The following CNBD1 variants were observed in gnomAD, a reference collection of about 807,000 sequenced individuals.
CNBD1 encodes cyclic nucleotide binding domain containing 1.
CNBD1 carries 71 observed loss-of-function variants against 54.4 expected under a neutral mutation model. The observed-to-expected ratio is 1.30, with a 90% CI of 1.08 to 1.59. The LOEUF (loss-of-function observed/expected upper bound fraction) is 1.59, where lower values mean the gene tolerates loss of function less well. Among genes scored for constraint, CNBD1 ranks in the 40% most tolerant of loss-of-function variants. CNBD1 has a pLI of 0.00. For missense variants in CNBD1, 659 were observed against 518.0 expected, an observed-to-expected ratio of 1.27 and a Z score of -2.64; for synonymous variants, 182 against 170.7, an observed-to-expected ratio of 1.07 and a Z score of -0.51.
At chr8:87,054,328 G>C (rs1810370833) in intron 4 of CNBD1, among the ~76,000 whole-genome samples, 1 of 152,194 alleles carries the variant, frequency 6.6e-6, no homozygotes, top group Non-Finnish European at 1.5e-5. Flanking sequence ...ATCTCATAGA[G>C]AGACTGTCTA....
chr8:87,271,602 A>G (rs1007465035), intron 6 of CNBD1, among the ~76,000 whole-genome samples: 1 of 151,982 alleles, frequency 6.6e-6, no homozygotes, highest in South Asian at 2.1e-4. Flanking sequence ...AATTCAGAGA[A>G]TAACAGACGC....
chr8:86,984,006 G>A (rs1294685833), intron 4 of CNBD1, among the ~76,000 whole-genome samples: 1 of 152,178 alleles, frequency 6.6e-6, no homozygotes, highest in African/African-American at 2.4e-5. Flanking sequence ...TTTTGTGTCA[G>A]CCTCTCCCAT....
chr8:87,037,588 C>T (rs1809976984), intron 4 of CNBD1, among the ~76,000 whole-genome samples: 1 of 152,056 alleles, frequency 6.6e-6, no homozygotes, highest in African/African-American at 2.4e-5. Flanking sequence ...TGTCTTCCAA[C>T]TCTTCTACTG....
intron 4 of CNBD1, among the ~76,000 whole-genome samples, chr8:87,033,782 T>C (rs1809846317): frequency 6.6e-6 from 1 of 152,182 alleles, no homozygotes; most frequent in African/African-American, 2.4e-5. Context: ...CTGTTGTCTC[T>C]TGGTCAACAG....
At chr8:87,388,875 A>T (rs1811248929) in intron 2 of CNBD1, among the ~76,000 whole-genome samples, 1 of 152,234 alleles carries the variant, frequency 6.6e-6, no homozygotes, top group South Asian at 2.1e-4. Flanking sequence ...AACTGAATCC[A>T]GCAGCACATC....
intron 2 of CNBD1, among the ~76,000 whole-genome samples, chr8:86,900,682 A>C (rs546857530): frequency 3.9e-5 from 6 of 152,186 alleles, no homozygotes; most frequent in Non-Finnish European, 7.4e-5. Flanking sequence ...AAAGATAAAA[A>C]AAAATGAAAG....
intron 4 of CNBD1, among the ~76,000 whole-genome samples, chr8:86,943,736 A>G (rs1807394406): frequency 6.6e-6 from 1 of 152,114 alleles, no homozygotes; most frequent in Non-Finnish European, 1.5e-5. Context: ...ATATAAGCTT[A>G]TCATGTGTAT....
intron 4 of CNBD1, among the ~76,000 whole-genome samples, chr8:87,021,055 T>C (rs768053764): frequency 5.3e-5 from 8 of 152,212 alleles, no homozygotes; most frequent in Non-Finnish European, 8.8e-5. Context: ...TTTTGAGTTG[T>C]CCCGCCTTTC....
chr8:87,381,741 A>G (rs1486585292), intron 10 of CNBD1, among the ~76,000 whole-genome samples: 1 of 152,004 alleles, frequency 6.6e-6, no homozygotes, highest in Non-Finnish European at 1.5e-5. Flanking sequence ...GCTACATGAA[A>G]TAAGCCAGTC....
rs551328876 is a variant in CNBD1, at chr8:87,061,690, G to C, written c.431+121936G>C. On this transcript the variant is annotated intron_variant, in intron 4 of 10. Transcript: ENST00000518476. Reference sequence around the variant, plus strand: ...ATAGCCTAATTTGTCTTTGTATACTGTATGTTCCAATCAAGGACATTTCAA... The same window carrying C: ...ATAGCCTAATTTGTCTTTGTATACTCTATGTTCCAATCAAGGACATTTCAA... Among the ~76,000 whole-genome samples, 21 of 152,220 alleles carry C rather than the reference G, an allele frequency of 1.4e-4. No individual in the cohort carries two copies. The East Asian group carries it at 3.7e-3, about 27-fold the overall frequency.
intron 2 of CNBD1, among the ~76,000 whole-genome samples, chr8:87,403,494 A>G (rs1331548776): frequency 6.6e-6 from 1 of 151,972 alleles, no homozygotes; most frequent in Non-Finnish European, 1.5e-5. Flanking sequence ...GTTCATTATC[A>G]TCATAGAAGA....
chr8:86,982,923 A>G (rs553438347), intron 4 of CNBD1, among the ~76,000 whole-genome samples: 24 of 152,284 alleles, frequency 1.6e-4, no homozygotes, highest in African/African-American at 4.8e-4. Flanking sequence ...ATCTTTCTCC[A>G]CTTATTTAGA....
chr8:87,402,671 C>G (rs754373153), intron 2 of CNBD1, among the ~76,000 whole-genome samples: 2 of 151,952 alleles, frequency 1.3e-5, no homozygotes, highest in Admixed American at 6.6e-5. Context: ...TGGCCAGGGC[C>G]AAATCTCAGG....
intron 4 of CNBD1, among the ~76,000 whole-genome samples, chr8:86,964,617 G>A (rs759064230): frequency 5.9e-5 from 9 of 152,232 alleles, no homozygotes; most frequent in Non-Finnish European, 1.0e-4. Flanking sequence ...AAGGGGACCC[G>A]AATCTAAATG....
intron 6 of CNBD1, among the ~76,000 whole-genome samples, chr8:87,248,648 C>T (rs1807853545): frequency 6.6e-6 from 1 of 152,192 alleles, no homozygotes; most frequent in Non-Finnish European, 1.5e-5. Context: ...TGTGAATCAC[C>T]TGTTGCAGTG....
At chr8:86,897,078 T>C (rs1346201969) in intron 2 of CNBD1, among the ~76,000 whole-genome samples, 1 of 152,176 alleles carries the variant, frequency 6.6e-6, no homozygotes, top group Non-Finnish European at 1.5e-5. Context: ...GGCAGATGTA[T>C]AGGGAGAATC....
chr8:87,371,222 G>C lies in CNBD1; in HGVS notation c.1304-11398G>C, dbSNP rs1048411316. Among the ~76,000 whole-genome samples the C allele has an allele frequency of 1.5e-4, 23 of 151,948 alleles. No individual in the cohort carries two copies. In the South Asian group the frequency reaches 2.1e-3, roughly 14 times the overall value. On this transcript the variant is annotated intron_variant, in intron 10 of 10. Coordinates refer to ENST00000518476, the MANE Select transcript of CNBD1 (RefSeq NM_173538.3). ...ACTGGGCAATGGGGGCTCTTTTTTG[G>C]TTCCATATGAACTTTAAAGTAGTTT...
In CNBD1 at chr8:87,276,576, A is replaced by T. The variant is rs111976358; in HGVS notation, c.772-8102A>T. 6.6e-5 allele frequency among the ~76,000 whole-genome samples: 10 copies of T among 152,022 alleles called. 1 individual carries two copies. Among genetic ancestry groups the T allele is most frequent in the African/African-American group, 2.2e-4 (9 of 41,538 alleles). On this transcript the variant is annotated intron_variant, in intron 6 of 10. Coordinates refer to ENST00000518476, the MANE Select transcript of CNBD1 (RefSeq NM_173538.3). Reference sequence around the variant, plus strand: ...GTTTAAAAGAAGCTCAGTTGCTTCAATCTATTGAATGTCAGTCTGCTTTAT... The same window carrying T: ...GTTTAAAAGAAGCTCAGTTGCTTCATTCTATTGAATGTCAGTCTGCTTTAT...
rs1007156090 is a variant in CNBD1, at chr8:87,157,827, T to A, written c.432-48166T>A. On this transcript the variant is annotated intron_variant, in intron 4 of 10. Transcript: ENST00000518476. ...AAAACAGTCTATTTAATTTCTGAAA[T>A]GCAAAAGAATGTTTGGCATGGATAA... 3.3e-5 allele frequency among the ~76,000 whole-genome samples: 5 copies of A among 152,282 alleles called. No individual in the cohort carries two copies. In the East Asian group the frequency reaches 9.7e-4, roughly 29 times the overall value.
Sources: gnomAD v4.1 joint callset for allele counts (sites outside exome capture counted in the v4.1 genomes callset) on GRCh38, gnomAD v4.1.1 for gene constraint, MANE v1.5 for transcripts, NCBI Gene and HGNC (gene_info 2026-07-23, HGNC 2026-07-21) for gene names.